Variants in EEA1 observed in about 807,000 individuals in gnomAD.
EEA1 encodes early endosome antigen 1.
Under a neutral mutation model 209.2 loss-of-function variants are expected in EEA1, and 111 were observed. That is an observed-to-expected ratio of 0.53 (90% CI 0.45 to 0.62). EEA1 has a LOEUF of 0.62. Ranked by LOEUF, EEA1 falls within the 20% of genes least tolerant of loss-of-function variation. EEA1 has a pLI of 0.00. For synonymous variants in EEA1, 536 were observed against 540.6 expected (o/e 0.99, Z 0.12); for missense variants, 1,343 against 1,530.8 (o/e 0.88, Z 2.05).
chr12:92,849,745 T>C (rs1877532486), intron 9 of EEA1, among the ~76,000 whole-genome samples: 1 of 152,208 alleles, frequency 6.6e-6, no homozygotes, highest in African/African-American at 2.4e-5. Flanking sequence ...TTATCTATAA[T>C]ACTTATACCC....
intron 5 of EEA1, among the ~76,000 whole-genome samples, chr12:92,855,269 A>G (rs1281377775): frequency 2.0e-5 from 3 of 152,212 alleles, no homozygotes; most frequent in East Asian, 3.9e-4. Flanking sequence ...CTCTACTAAA[A>G]ATACAAAAAA....
chr12:92,900,792 C>G (rs993471279), intron 1 of EEA1, among the ~76,000 whole-genome samples: 2 of 152,014 alleles, frequency 1.3e-5, no homozygotes, highest in African/African-American at 4.8e-5. Flanking sequence ...CCTCAGCCTC[C>G]CCAGTAGCTG....
intron 10 of EEA1, 97 bp downstream of exon 10, chr12:92,842,368 C>A: frequency 6.4e-6 from 4 of 625,216 alleles, no homozygotes; most frequent in South Asian, 4.5e-5. Flanking sequence ...AAATAAGTCA[C>A]ATTGTACTAT....
Position 92,929,151 on chromosome 12 carries a change from G to C in EEA1, c.-85C>G. The C allele has an allele frequency of 7.1e-7, 1 of 1,406,634 alleles. No homozygotes were observed. The highest frequency in any genetic ancestry group is 9.7e-7 in the Non-Finnish European group (1 of 1,030,974). 87.1% of individuals were successfully genotyped at this position (1,406,634 alleles called of 1,614,324 possible). On this transcript the variant is annotated 5_prime_UTR_variant, in exon 1 of 29. Coordinates refer to ENST00000322349, the MANE Select transcript of EEA1 (RefSeq NM_003566.4). ...ACTACTCGGGGTGCGCGGGCGGGAG[G>C]GACTGGGCCGGGAGGGGACCGGGAA... is the stretch of plus-strand genomic sequence containing the variant.
At chr12:92,824,528 A>T (rs1454947728) in intron 13 of EEA1, among the ~76,000 whole-genome samples, 1 of 152,104 alleles carries the variant, frequency 6.6e-6, no homozygotes, top group African/African-American at 2.4e-5. Flanking sequence ...TGCCCTTTTT[A>T]ACTCTTCTAA....
intron 2 of EEA1, among the ~76,000 whole-genome samples, chr12:92,885,291 G>C (rs1454665732): frequency 6.6e-6 from 1 of 152,040 alleles, no homozygotes; most frequent in East Asian, 1.9e-4. Context: ...CTTTCACCCT[G>C]AATATTTCTT....
intron 2 of EEA1, among the ~76,000 whole-genome samples, chr12:92,871,825 T>G (rs1331182266): frequency 2.0e-5 from 3 of 152,224 alleles, no homozygotes; most frequent in Admixed American, 6.5e-5. Context: ...AAATTCTTTC[T>G]GCTTATGATA....
intron 1 of EEA1, among the ~76,000 whole-genome samples, chr12:92,901,916 G>C (rs1422707311): frequency 6.6e-6 from 1 of 151,988 alleles, no homozygotes; most frequent in Non-Finnish European, 1.5e-5. Context: ...TTATTTCAAG[G>C]AGAAGCCCAA....
intron 1 of EEA1, among the ~76,000 whole-genome samples, chr12:92,899,269 CT>C (rs1197750236): frequency 6.6e-6 from 1 of 152,130 alleles, no homozygotes; most frequent in African/African-American, 2.4e-5. Flanking sequence ...GTTAAGCCAA[CT>C]GAATACATGA....
At chr12:92,842,341 T>G in intron 10 of EEA1, 124 bp downstream of exon 10, 1 of 553,988 alleles carries the variant, frequency 1.8e-6, no homozygotes, top group Non-Finnish European at 3.2e-6. Flanking sequence ...GTGAACATAT[T>G]AAACACTAAA....
intron 2 of EEA1, among the ~76,000 whole-genome samples, chr12:92,887,517 G>A (rs528532397): frequency 6.6e-6 from 1 of 152,088 alleles, no homozygotes; most frequent in East Asian, 1.9e-4. Context: ...AAAAAGCCAG[G>A]CATGGTGATG....
At chr12:92,796,636 T>G (rs1402141485) in intron 21 of EEA1, among the ~76,000 whole-genome samples, 1 of 152,166 alleles carries the variant, frequency 6.6e-6, no homozygotes, top group African/African-American at 2.4e-5. Context: ...TATTTAAGTG[T>G]GTACACACAT....
intron 27 of EEA1, among the ~76,000 whole-genome samples, 195 bp downstream of exon 27, chr12:92,777,348 G>T (rs1873700883): frequency 6.6e-6 from 1 of 151,866 alleles, no homozygotes; most frequent in Non-Finnish European, 1.5e-5. Flanking sequence ...GCTTTCTAAT[G>T]AATCTCTGAG....
Position 92,798,693 on chromosome 12 carries a change from CAA to C in EEA1, c.2967+197_2967+198del, listed in dbSNP as rs143243827. Among the ~76,000 whole-genome samples the C allele has an allele frequency of 2.3e-3, 352 of 152,096 alleles. 2 individuals are homozygous for C. Among genetic ancestry groups the C allele is most frequent in the Non-Finnish European group, 3.9e-3 (268 of 67,972 alleles). ...ATAATTTTAAATAACAATTATCTGACAAGAGAGTTATAGTGAATGGAAATCCA... is the reference window on the plus strand; with the variant it reads ...ATAATTTTAAATAACAATTATCTGACGAGAGTTATAGTGAATGGAAATCCA... On this transcript the variant is annotated intron_variant, in intron 21 of 28. Transcript: ENST00000322349.
intron 10 of EEA1, 138 bp downstream of exon 10, chr12:92,842,327 T>C (rs1049918336): frequency 1.4e-5 from 7 of 505,636 alleles, no homozygotes; most frequent in African/African-American, 1.2e-4. Flanking sequence ...GTTTGCACAA[T>C]AATGTGAACA....
intron 2 of EEA1, chr12:92,884,068 G>C (rs913295826): frequency 1.1e-5 from 14 of 1,311,580 alleles, no homozygotes; most frequent in Admixed American, 1.7e-5. Flanking sequence ...TCAAAGACCA[G>C]GTGCCCACTT....
At position 92,782,142 on chromosome 12, in the gene EEA1, A is replaced by C. The variant is rs368822505; in HGVS notation, c.3151-7T>G. Reference sequence around the variant, plus strand: ...AAAGCTTCTCTTCTACAGACTTACAAAAACAATTTTCCCAAATTATTATAT... The same window carrying C: ...AAAGCTTCTCTTCTACAGACTTACACAAACAATTTTCCCAAATTATTATAT... On this transcript the variant is annotated splice_region_variant and splice_polypyrimidine_tract_variant and intron_variant, in intron 22 of 28. Coordinates refer to ENST00000322349, the MANE Select transcript of EEA1 (RefSeq NM_003566.4). 2.5e-6 allele frequency: 4 copies of C among 1,586,172 alleles called. No homozygotes were observed. Among genetic ancestry groups the C allele is most frequent in the Non-Finnish European group, 3.4e-6 (4 of 1,165,858 alleles).
chr12:92,810,424 G>GA (rs1255455745), intron 17 of EEA1, among the ~76,000 whole-genome samples: 1 of 151,950 alleles, frequency 6.6e-6, no homozygotes, highest in Non-Finnish European at 1.5e-5. Context: ...TTTTAACCAT[G>GA]CCTAAAGTAC....
Position 92,816,365 on chromosome 12 carries a change from T to C in EEA1, c.1764A>G (p.Ser588=), listed in dbSNP as rs745676932. The C allele has an allele frequency of 1.2e-6, 2 of 1,613,962 alleles. No homozygotes were observed. The highest frequency in any genetic ancestry group is 1.7e-6 in the Non-Finnish European group (2 of 1,179,838). ...TCTCCTGGGCTTGTTTATGACTTTC[T>C]GACTGATTCTTCAGCTTCTCTGTTA... ...TQLTEKLKNQ[S]ESHKQAQENL... Residue 588 remains serine (S), a synonymous_variant, in exon 15 of 29, where the codon TCA becomes TCG. Coordinates refer to ENST00000322349, the MANE Select transcript of EEA1 (RefSeq NM_003566.4).
Sources: allele counts gnomAD v4.1 joint callset (sites outside exome capture counted in the v4.1 genomes callset), GRCh38; gene constraint gnomAD v4.1.1; transcripts MANE v1.5; gene names NCBI Gene and HGNC (gene_info 2026-07-23, HGNC 2026-07-21).